The following IFT122 variants were observed in gnomAD, a reference collection of about 807,000 sequenced individuals.
IFT122 encodes the protein intraflagellar transport protein 122 homolog.
A neutral mutation model predicts 161.6 loss-of-function variants in IFT122; 118 were observed. The ratio of observed to expected loss-of-function variants is 0.73; its 90% CI spans 0.63 to 0.85. The LOEUF is 0.85. Ranked by LOEUF, IFT122 falls within the 40% of genes least tolerant of loss-of-function variation. The probability of loss-of-function intolerance (pLI) is 0.00; values close to 1 mark genes in which losing one functional copy is unlikely to be tolerated. For synonymous variants in IFT122, 550 were observed against 602.4 expected (o/e 0.91, Z 1.27); for missense variants, 1,381 against 1,579.6 (o/e 0.87, Z 2.13).
chr3:129,492,286 CA>C (rs2080218602), intron 17 of IFT122, 92 bp downstream of exon 17: 3 of 1,024,722 alleles, frequency 2.9e-6, no homozygotes, highest in Non-Finnish European at 1.6e-6. Flanking sequence ...GCCTTGAGGA[CA>C]TGGGAACAGA....
intron 26 of IFT122, among the ~76,000 whole-genome samples, chr3:129,516,551 CAGA>C (rs2083706191): frequency 8.3e-6 from 1 of 120,916 alleles, no homozygotes; most frequent in Non-Finnish European, 1.8e-5. Flanking sequence ...TGCACACACA[CAGA>C]TTGCTCCTGC....
chr3:129,517,267 T>TGCACGCGCGCGCGC (rs1553776415), intron 26 of IFT122, among the ~76,000 whole-genome samples: 2 of 89,784 alleles, frequency 2.2e-5, no homozygotes, highest in African/African-American at 1.2e-4. Context: ...ACATTGCTCC[T>TGCACGCGCGCGCGC]GCACACACAC....
At chr3:129,511,211 G>A (rs1025679601) in intron 23 of IFT122, among the ~76,000 whole-genome samples, 1 of 152,192 alleles carries the variant, frequency 6.6e-6, no homozygotes, top group Admixed American at 6.5e-5. Flanking sequence ...TCTCTGGGAC[G>A]TTACTTAGCT....
intron 3 of IFT122, 138 bp from the exon 4 acceptor site, chr3:129,458,461 C>A: frequency 1.4e-6 from 1 of 730,482 alleles, no homozygotes; most frequent in Non-Finnish European, 2.4e-6. Flanking sequence ...CAAGGTCCTG[C>A]CTCCCAGTAC....
Position 129,520,136 on chromosome 3 carries a change from A to G in IFT122, c.3637-40A>G, listed in dbSNP as rs748725479. 2.6e-5 allele frequency: 40 copies of G among 1,532,416 alleles called. No individual in the cohort carries two copies. The South Asian group carries it at 3.9e-4, about 15-fold the overall frequency. The allele number at this position is 1,532,416 out of a possible 1,614,324, so 94.9% of individuals were successfully genotyped here. A position where few individuals can be genotyped will look rare whatever the true frequency, so the allele number is the denominator to read the frequency against. On this transcript the variant is annotated intron_variant, in intron 29 of 29. Coordinates refer to ENST00000348417, the MANE Select transcript of IFT122 (RefSeq NM_052989.3). ...GGCCCCAGGCGTAGGGCTGATGAGC[A>G]CTAGGGCTTCAGCCTGGTCTTACAG...
At chr3:129,467,659 A>G (rs967949292) in intron 8 of IFT122, among the ~76,000 whole-genome samples, 2 of 152,166 alleles carry the variant, frequency 1.3e-5, no homozygotes, top group Admixed American at 6.5e-5. Context: ...CTGGCTGTCT[A>G]GTCATTCTTC....
intron 8 of IFT122, among the ~76,000 whole-genome samples, chr3:129,468,455 G>A (rs532957628): frequency 6.6e-6 from 1 of 151,804 alleles, no homozygotes; most frequent in Non-Finnish European, 1.5e-5. Context: ...AGCGATTCTT[G>A]TGCCTCAGCC....
chr3:129,464,851 T>G, intron 7 of IFT122, 70 bp downstream of exon 7: 2 of 1,525,674 alleles, frequency 1.3e-6, no homozygotes, highest in South Asian at 2.2e-5. Context: ...CTTCCTGAGG[T>G]CTCCCTACAT....
At chr3:129,497,054 G>T (rs947049906) in intron 18 of IFT122, among the ~76,000 whole-genome samples, 4 of 152,192 alleles carry the variant, frequency 2.6e-5, no homozygotes, top group African/African-American at 9.7e-5. Flanking sequence ...GCTGAAGTGG[G>T]TGGATTGCTT....
rs750405146 is a variant in IFT122 at position 129,506,523 on chromosome 3, C to T, written c.2765C>T (p.Ser922Phe). ...GCTGCCTATTATTACTGGATGCTGT[C>T]CATGCAGTGCCTCGATATAGCTCAA... is the stretch of plus-strand genomic sequence containing the variant. Reference protein sequence around the residue: ...NDAAYYYWMLSMQCLDIAQDP... With the variant: ...NDAAYYYWMLFMQCLDIAQDP... The change falls in exon 22 of 30, where the codon TCC (serine) becomes TTC (phenylalanine). Residue 922 changes from serine (S) to phenylalanine (F), a missense_variant. Physicochemically the swap from Ser to Phe is radical, Grantham distance 155 (BLOSUM62 -2). Transcript: ENST00000348417. 6.2e-6 allele frequency: 10 copies of T among 1,614,090 alleles called. No individual in the cohort carries two copies.
chr3:129,456,151 A>G, intron 3 of IFT122: 1 of 816,994 alleles, frequency 1.2e-6, no homozygotes, highest in Non-Finnish European at 1.8e-6. Flanking sequence ...TGGGTCATGC[A>G]GCTGGTCAGT....
chr3:129,480,128 A>G (rs2078464148), intron 13 of IFT122, among the ~76,000 whole-genome samples: 1 of 152,208 alleles, frequency 6.6e-6, no homozygotes, highest in African/African-American at 2.4e-5. Context: ...TAGCAGGCCC[A>G]CGTTTTGGCA....
chr3:129,488,129 C>A lies in IFT122; in HGVS notation c.1852-128C>A, dbSNP rs888954264. 10 of 1,506,104 alleles carry A rather than the reference C, an allele frequency of 6.6e-6. No homozygotes were observed. The Admixed American group carries it at 1.3e-4, about 19-fold the overall frequency. 93.3% of individuals were successfully genotyped at this position (1,506,104 alleles called of 1,614,324 possible). ...GCAGGCTGGGCAGGGTGCTGATTGG[C>A]GGCTGCAGGGCTGCTCCCCAGGCAT... is the stretch of plus-strand genomic sequence containing the variant. On this transcript the variant is annotated intron_variant, in intron 15 of 29. Transcript: ENST00000348417.
chr3:129,515,067 C>A lies in IFT122; in HGVS notation c.3154-421C>A, dbSNP rs1244055295. ...ACCTGGGTTCACATCCCGGCTCCAC[C>A]CTCTCCTAGCTCTGTCTCCATCTTT... On this transcript the variant is annotated intron_variant, in intron 25 of 29. Coordinates refer to ENST00000348417, the MANE Select transcript of IFT122 (RefSeq NM_052989.3). The A allele has an allele frequency of 1.3e-5, 5 of 377,302 alleles. No homozygotes were observed. In the East Asian group the frequency reaches 3.3e-4, roughly 25 times the overall value. 23.4% of individuals were successfully genotyped at this position (377,302 alleles called of 1,614,324 possible). A position where few individuals can be genotyped will look rare whatever the true frequency, so the allele number is the denominator to read the frequency against.
chr3:129,512,788 A>G (rs969846748), intron 24 of IFT122: 2 of 338,786 alleles, frequency 5.9e-6, no homozygotes, highest in East Asian at 7.7e-5. Context: ...TGTTCAGCCC[A>G]GGTATACATA....
chr3:129,478,218 G>A lies in IFT122; in HGVS notation c.1350G>A (p.Gln450=). The change falls in exon 12 of 30, where the codon CAG becomes CAA. Residue 450 remains glutamine, a splice_region_variant and synonymous_variant. Transcript: ENST00000348417. ...GTGCCAATCACATCATCCTGTGCCA[G>A]GTGGGCAGCAGCATGTTGAAGGAGT... is the stretch of plus-strand genomic sequence containing the variant. The part of the protein sequence containing the change: ...VVCANHIILC[Q]EKRLQCLSFS... 3 of 1,614,034 alleles carry A rather than the reference G, an allele frequency of 1.9e-6. No homozygotes were observed. The highest frequency in any genetic ancestry group is 2.5e-6 in the Non-Finnish European group (3 of 1,179,910).
intron 2 of IFT122, among the ~76,000 whole-genome samples, chr3:129,451,462 C>T (rs4688850): frequency 0.099 from 14,998 of 152,022 alleles, 1,023 homozygotes; most frequent in East Asian, 0.29. Flanking sequence ...ACTTGAAAGC[C>T]CAGAGTTCTG....
chr3:129,515,578 A>T lies in IFT122; in HGVS notation c.3244A>T (p.Ile1082Phe). 1.3e-6 allele frequency: 2 copies of T among 1,503,522 alleles called. No individual in the cohort carries two copies. The highest frequency in any genetic ancestry group is 1.8e-6 in the Non-Finnish European group (2 of 1,082,890). The allele number at this position is 1,503,522 out of a possible 1,614,324, so 93.1% of individuals were successfully genotyped here. The change falls in exon 26 of 30, where the codon ATC becomes TTC. Residue 1082 changes from isoleucine (I) to phenylalanine (F), a missense_variant. Physicochemically the swap from Ile to Phe is conservative, Grantham distance 21. Transcript: ENST00000348417. ...NVCINCRQPF[I>F]FSASSYDVLH... ...CTGCATCAACTGCCGCCAGCCCTTC[A>T]TCTTCTCCGCCTCTTCCTACGGTGA...
intron 3 of IFT122, among the ~76,000 whole-genome samples, chr3:129,453,544 G>T (rs960518179): frequency 1.3e-5 from 2 of 152,204 alleles, no homozygotes; most frequent in Non-Finnish European, 2.9e-5. Context: ...CTGCATAGTT[G>T]TAGAGGCAGA....
Sources: gnomAD v4.1 joint callset for allele counts (sites outside exome capture counted in the v4.1 genomes callset) on GRCh38, gnomAD v4.1.1 for gene constraint, MANE v1.5 for transcripts, NCBI Gene and HGNC (gene_info 2026-07-23, HGNC 2026-07-21) for gene names.